The following RNF43 variants were observed in gnomAD, a reference collection of about 807,000 sequenced individuals.
RNF43 encodes the protein ring finger protein 43.
A neutral mutation model predicts 78.4 loss-of-function variants in RNF43; 37 were observed. The observed-to-expected ratio is 0.47, with a 90% CI of 0.36 to 0.62. The LOEUF (loss-of-function observed/expected upper bound fraction) is 0.62. Among genes scored for constraint, RNF43 ranks in the 20% least tolerant of loss-of-function variants. The pLI is 0.00. For synonymous variants in RNF43, 347 were observed against 395.0 expected (o/e 0.88, Z 1.44); for missense variants, 774 against 1,007.9 (o/e 0.77, Z 3.14).
chr17:58,376,587 G>A (rs1417371620), intron 2 of RNF43, among the ~76,000 whole-genome samples: 1 of 152,144 alleles, frequency 6.6e-6, no homozygotes, highest in African/African-American at 2.4e-5. Flanking sequence ...GTATAACACA[G>A]GGGCTGTCTT....
chr17:58,400,087 T>C (rs1973763700), intron 2 of RNF43, among the ~76,000 whole-genome samples: 1 of 152,212 alleles, frequency 6.6e-6, no homozygotes, highest in African/African-American at 2.4e-5. Context: ...TCATTGATCA[T>C]GGAAGGAAGC....
chr17:58,399,904 T>TACTA, intron 2 of RNF43, among the ~76,000 whole-genome samples: 1 of 152,172 alleles, frequency 6.6e-6, no homozygotes, highest in African/African-American at 2.4e-5. Flanking sequence ...CCTCCCAAAG[T>TACTA]ACTAGGATTA....
At chr17:58,387,982 C>T (rs1272999992) in intron 2 of RNF43, among the ~76,000 whole-genome samples, 1 of 151,626 alleles carries the variant, frequency 6.6e-6, no homozygotes, top group East Asian at 2.0e-4. Flanking sequence ...CCCCCCACCA[C>T]ACACACCCCC....
intron 2 of RNF43, among the ~76,000 whole-genome samples, chr17:58,373,542 A>C (rs1335778034): frequency 6.6e-6 from 1 of 152,216 alleles, no homozygotes; most frequent in East Asian, 1.9e-4. Flanking sequence ...TTTTATGTGC[A>C]CATAGTAGGT....
At position 58,359,446 on chromosome 17, in the gene RNF43, A is replaced by C. The variant is rs1972780037; in HGVS notation, c.953-623T>G. 4.0e-5 allele frequency among the ~76,000 whole-genome samples: 6 copies of C among 151,612 alleles called. No individual in the cohort carries two copies. In the South Asian group the frequency reaches 6.2e-4, roughly 16 times the overall value. On this transcript the variant is annotated intron_variant, in intron 8 of 9. Transcript: ENST00000407977. Reference sequence around the variant, plus strand: ...CCTGTCTCTACTAAAAGTCCAAAAAAAAAAAAAATTAGCTGGGCATGGTGG... The same window carrying C: ...CCTGTCTCTACTAAAAGTCCAAAAACAAAAAAAATTAGCTGGGCATGGTGG...
intron 2 of RNF43, among the ~76,000 whole-genome samples, chr17:58,376,883 G>A (rs1369600627): frequency 6.6e-6 from 1 of 152,178 alleles, no homozygotes; most frequent in African/African-American, 2.4e-5. Context: ...GCCATGAGGG[G>A]CAAATTAAGA....
chr17:58,399,798 C>A (rs773481062), intron 2 of RNF43, among the ~76,000 whole-genome samples: 1 of 152,050 alleles, frequency 6.6e-6, no homozygotes, highest in Non-Finnish European at 1.5e-5. Flanking sequence ...CGTACCACCA[C>A]GCCTGGCTAA....
At chr17:58,371,522 C>T (rs913161766) in intron 2 of RNF43, among the ~76,000 whole-genome samples, 2 of 152,228 alleles carry the variant, frequency 1.3e-5, no homozygotes, top group African/African-American at 4.8e-5. Flanking sequence ...CGGGATGCCC[C>T]CAGGCAACTG....
chr17:58,369,291 T>A (rs994857609), intron 3 of RNF43, among the ~76,000 whole-genome samples: 1 of 152,116 alleles, frequency 6.6e-6, no homozygotes, highest in Non-Finnish European at 1.5e-5. Flanking sequence ...ACTCCCCAGC[T>A]CCTCCAAGTG....
At chr17:58,369,068 T>TACAC (rs369670104) in intron 3 of RNF43, among the ~76,000 whole-genome samples, 271 of 145,014 alleles carry the variant, frequency 1.9e-3, no homozygotes, top group African/African-American at 3.6e-3. Context: ...CTCTCTCTCA[T>TACAC]ACACACACAC....
intron 2 of RNF43, among the ~76,000 whole-genome samples, chr17:58,378,591 C>T (rs1328430428): frequency 1.3e-5 from 2 of 152,106 alleles, no homozygotes; most frequent in African/African-American, 2.4e-5. Context: ...CCTGCTTCAT[C>T]GTATAATTTT....
At chr17:58,399,657 T>A (rs1477800354) in intron 2 of RNF43, among the ~76,000 whole-genome samples, 2 of 152,022 alleles carry the variant, frequency 1.3e-5, no homozygotes, top group Non-Finnish European at 2.9e-5. Context: ...TTTTTTTTTT[T>A]TTGAGACAAA....
At chr17:58,412,460 A>G (rs1396933941) in intron 2 of RNF43, among the ~76,000 whole-genome samples, 1 of 152,174 alleles carries the variant, frequency 6.6e-6, no homozygotes, top group African/African-American at 2.4e-5. Flanking sequence ...CATACCTTGT[A>G]AAATGAATCA....
chr17:58,414,563 C>T (rs534594654), intron 2 of RNF43, among the ~76,000 whole-genome samples: 25 of 152,272 alleles, frequency 1.6e-4, no homozygotes, highest in Non-Finnish European at 3.4e-4. Context: ...AAATGCTGTG[C>T]CCCCAGTCAT....
intron 2 of RNF43, among the ~76,000 whole-genome samples, chr17:58,383,830 C>A (rs770739146): frequency 3.3e-5 from 5 of 152,162 alleles, no homozygotes; most frequent in Admixed American, 1.3e-4. Flanking sequence ...GTTGGTCAGG[C>A]TGGTCTCGAA....
rs765233911 is a variant in RNF43, at chr17:58,358,823, T to G, written c.953A>C (p.Glu318Ala). 1 of 1,489,452 alleles carries G rather than the reference T, an allele frequency of 6.7e-7. No individual in the cohort carries two copies. Among genetic ancestry groups the G allele is most frequent in the Non-Finnish European group, 8.9e-7 (1 of 1,123,232 alleles). 92.3% of individuals were successfully genotyped at this position (1,489,452 alleles called of 1,614,324 possible). Residue 318 changes from glutamate (E) to alanine (A), a missense_variant and splice_region_variant, in exon 9 of 10, where the codon GAG (glutamate) becomes GCG (alanine). By Grantham distance (107) the Glu-to-Ala change is moderately radical. Coordinates refer to ENST00000407977, the MANE Select transcript of RNF43 (RefSeq NM_017763.6). The surrounding 1 kb of genome is among the most constrained non-coding windows in gnomAD (Gnocchi z 6.2). ...TCPLCMFNIT[E>A]GDSFSQSLGP... ...CAGGGACTGGGAAAATGAATCTCCC[T>G]CTGGAAAAAAGAACCAAGAGCACAG... is the stretch of plus-strand genomic sequence containing the variant.
Position 58,358,129 on chromosome 17 carries a change from G to T in RNF43, c.1647C>A (p.His549Gln). 6.2e-7 allele frequency: 1 copy of T among 1,613,248 alleles called. No individual in the cohort carries two copies. Among genetic ancestry groups the T allele is most frequent in the Non-Finnish European group, 8.5e-7 (1 of 1,179,692 alleles). ...AGTGGTGGTGCCGGTGGCGGTGGTA[G>T]TGGACATGGCTGGAAACCTGGGTTT... Reference protein sequence around the residue: ...TGETQVSSHVHYHRHRHHHYK... With the variant: ...TGETQVSSHVQYHRHRHHHYK... The change falls in exon 9 of 10, where the codon CAC (histidine) becomes CAA (glutamine). Residue 549 changes from histidine (H) to glutamine (Q), a missense_variant. Transcript: ENST00000407977. This position sits in a 1 kb window ranked among gnomAD's most constrained non-coding sequence, Gnocchi z 6.2.
intron 6 of RNF43, among the ~76,000 whole-genome samples, chr17:58,361,837 C>T (rs1972839799): frequency 1.3e-5 from 2 of 152,192 alleles, no homozygotes; most frequent in South Asian, 4.1e-4. Context: ...TCCTCAGATA[C>T]CTGCACAGAT....
chr17:58,353,639 C>T (rs1399931521), downstream of RNF43: 4 of 209,530 alleles, frequency 1.9e-5, no homozygotes, highest in Non-Finnish European at 3.9e-5. Flanking sequence ...CCCTGAGTGA[C>T]AGTCACGACA....
Sources: gnomAD v4.1 joint callset for allele counts (sites outside exome capture counted in the v4.1 genomes callset) on GRCh38, gnomAD v4.1.1 for gene constraint, Gnocchi (gnomAD v3.1) non-coding constraint, MANE v1.5 for transcripts, NCBI Gene and HGNC (gene_info 2026-07-23, HGNC 2026-07-21) for gene names.